GPC5: variants seen among roughly 807,000 people sequenced by gnomAD.
GPC5 encodes glypican 5, also known as glypican-5.
Under a neutral mutation model 53.9 loss-of-function variants are expected in GPC5, and 47 were observed. The observed-to-expected ratio is 0.87, with a 90% CI of 0.69 to 1.11. The LOEUF (loss-of-function observed/expected upper bound fraction) is 1.11. Ranked by LOEUF, GPC5 falls within the 50% of genes most tolerant of loss-of-function variation. The pLI is 0.00. For synonymous variants in GPC5, 286 were observed against 263.3 expected, an observed-to-expected ratio of 1.09 and a Z score of -0.84; for missense variants, 748 against 713.1, an observed-to-expected ratio of 1.05 and a Z score of -0.56.
At chr13:92,722,034 A>G (rs1458046807) in intron 7 of GPC5, among the ~76,000 whole-genome samples, 1 of 151,994 alleles carries the variant, frequency 6.6e-6, no homozygotes, top group Non-Finnish European at 1.5e-5. Context: ...ATTCATATCA[A>G]GGGAACTTTT....
At chr13:91,655,784 AT>A (rs200901391) in intron 2 of GPC5, among the ~76,000 whole-genome samples, 2,872 of 152,194 alleles carry the variant, frequency 0.019, 83 homozygotes, top group African/African-American at 0.066. Flanking sequence ...CTAAAGATAC[AT>A]TTTTTAAAAA....
intron 5 of GPC5, among the ~76,000 whole-genome samples, chr13:91,813,754 C>A (rs918171764): frequency 6.6e-6 from 1 of 151,892 alleles, no homozygotes; most frequent in Non-Finnish European, 1.5e-5. Flanking sequence ...TTGGAAATAA[C>A]CTAATTAGTT....
intron 7 of GPC5, among the ~76,000 whole-genome samples, chr13:92,622,282 A>C (rs761010507): frequency 6.6e-6 from 1 of 152,170 alleles, no homozygotes; most frequent in African/African-American, 2.4e-5. Flanking sequence ...ACATCGCCAC[A>C]GGTCTGGGTT....
intron 2 of GPC5, among the ~76,000 whole-genome samples, chr13:91,609,850 C>T (rs576845209): frequency 6.6e-6 from 1 of 152,284 alleles, no homozygotes; most frequent in South Asian, 2.1e-4. Flanking sequence ...AGATAGTTCT[C>T]CTTATCTCAG....
intron 7 of GPC5, among the ~76,000 whole-genome samples, chr13:92,388,308 A>G (rs1874837983): frequency 6.6e-6 from 1 of 152,060 alleles, no homozygotes; most frequent in South Asian, 2.1e-4. Flanking sequence ...TCTATATCTG[A>G]TATTTTTGCT....
intron 7 of GPC5, among the ~76,000 whole-genome samples, chr13:92,146,705 C>T (rs2041869819): frequency 6.6e-6 from 1 of 152,044 alleles, no homozygotes; most frequent in South Asian, 2.1e-4. Context: ...TTGTATCATT[C>T]TTATGCCTTT....
At chr13:92,808,739 C>A (rs935898011) in intron 7 of GPC5, among the ~76,000 whole-genome samples, 5 of 151,980 alleles carry the variant, frequency 3.3e-5, no homozygotes, top group African/African-American at 1.2e-4. Flanking sequence ...TAATTTGGGG[C>A]ATTTTCCATC....
rs1303221284 is a variant in GPC5, at chr13:92,260,495, A to G, written c.1561+115506A>G. Among the ~76,000 whole-genome samples the G allele has an allele frequency of 2.0e-5, 3 of 152,184 alleles. No individual in the cohort carries two copies. The East Asian group carries it at 5.8e-4, about 29-fold the overall frequency. ...GATCCGCATCAGGCCCGGCTCCTTGAGGCAGGCCTTCACTGAGCTCCCTCT... is the reference window on the plus strand; with the variant it reads ...GATCCGCATCAGGCCCGGCTCCTTGGGGCAGGCCTTCACTGAGCTCCCTCT... On this transcript the variant is annotated intron_variant, in intron 7 of 7. Transcript: ENST00000377067.
At chr13:91,505,575 C>T (rs1486827699) in intron 2 of GPC5, among the ~76,000 whole-genome samples, 2 of 152,178 alleles carry the variant, frequency 1.3e-5, no homozygotes, top group Non-Finnish European at 2.9e-5. Context: ...GCACTTTGTT[C>T]AAGTTTCACA....
In GPC5 at chr13:91,401,894, A is replaced by C. The variant is rs1876982269; in HGVS notation, c.163+2685A>C. ...AAATGTAAAAAAGGAGAGAAGGTGT[A>C]AATGTGATTAGAATTAGAGATTTCC... On this transcript the variant is annotated intron_variant, in intron 1 of 7. Coordinates refer to ENST00000377067, the MANE Select transcript of GPC5 (RefSeq NM_004466.6). Among the ~76,000 whole-genome samples the C allele has an allele frequency of 2.0e-5, 3 of 152,200 alleles. No individual in the cohort carries two copies. In the South Asian group the frequency reaches 6.2e-4, roughly 31 times the overall value.
chr13:92,527,221 G>GA (rs777903581), intron 7 of GPC5, among the ~76,000 whole-genome samples: 1 of 35,194 alleles, frequency 2.8e-5, no homozygotes, highest in East Asian at 1.8e-3. Flanking sequence ...AAGAAAGAAA[G>GA]AAAGAAAGAA....
chr13:92,297,033 A>G (rs1387014442), intron 7 of GPC5, among the ~76,000 whole-genome samples: 1 of 152,070 alleles, frequency 6.6e-6, no homozygotes, highest in Non-Finnish European at 1.5e-5. Flanking sequence ...TTGACCACCC[A>G]AGGGCTGAGG....
At chr13:91,697,301 C>A (rs1163225253) in intron 3 of GPC5, among the ~76,000 whole-genome samples, 4 of 152,080 alleles carry the variant, frequency 2.6e-5, no homozygotes, top group Non-Finnish European at 1.5e-5. Flanking sequence ...TGCCACCATG[C>A]CCAGCTAATT....
At chr13:92,009,296 G>A (rs1449176823) in intron 6 of GPC5, among the ~76,000 whole-genome samples, 1 of 144,636 alleles carries the variant, frequency 6.9e-6, no homozygotes, top group Non-Finnish European at 1.5e-5. Context: ...TTCAATATGG[G>A]ATGGATTTTG....
At chr13:92,691,562 G>A (rs996674180) in intron 7 of GPC5, among the ~76,000 whole-genome samples, 3 of 151,926 alleles carry the variant, frequency 2.0e-5, no homozygotes, top group African/African-American at 4.8e-5. Context: ...GACCGGAGCT[G>A]TTCCTATTCG....
intron 6 of GPC5, among the ~76,000 whole-genome samples, chr13:92,038,370 A>AGAT (rs1360738666): frequency 7.4e-6 from 1 of 134,694 alleles, no homozygotes; most frequent in Non-Finnish European, 1.6e-5. Context: ...ATAGATAGAT[A>AGAT]GATAGATAGA....
intron 7 of GPC5, among the ~76,000 whole-genome samples, chr13:92,519,565 G>A (rs538336174): frequency 1.6e-4 from 24 of 152,306 alleles, no homozygotes; most frequent in Non-Finnish European, 3.2e-4. Context: ...AAATAAAGAT[G>A]TTCTTTGAAA....
At chr13:92,630,552 G>A (rs1036664998) in intron 7 of GPC5, among the ~76,000 whole-genome samples, 2 of 152,050 alleles carry the variant, frequency 1.3e-5, no homozygotes, top group African/African-American at 4.8e-5. Context: ...ATAATCAAAT[G>A]TCTTGTAATC....
At chr13:91,719,835 T>C (rs1283973584) in intron 3 of GPC5, among the ~76,000 whole-genome samples, 1 of 152,170 alleles carries the variant, frequency 6.6e-6, no homozygotes, top group Non-Finnish European at 1.5e-5. Flanking sequence ...TCCCTCATTT[T>C]TTTTTTCTCT....
Sources: gnomAD v4.1 joint callset for allele counts (sites outside exome capture counted in the v4.1 genomes callset) on GRCh38, gnomAD v4.1.1 for gene constraint, MANE v1.5 for transcripts, NCBI Gene and HGNC (gene_info 2026-07-23, HGNC 2026-07-21) for gene names.